The following DRC4 variants were observed in gnomAD, a reference collection of about 807,000 sequenced individuals.
The protein encoded by DRC4 is GAS-11.
At chr16:90,019,900 G>A in the DRC4 span, 1 of 679,302 alleles carries the variant, frequency 1.5e-6, no homozygotes, top group Non-Finnish European at 2.7e-6. This position sits in a 1 kb window ranked among gnomAD's most constrained non-coding sequence, Gnocchi z 6.1. Context: ...TAACGCGGGG[G>A]GCGGGTGGGG....
At chr16:90,029,355 G>C in the DRC4 span, 1 of 1,326,972 alleles carries the variant, frequency 7.5e-7, no homozygotes, top group Non-Finnish European at 1.0e-6. Flanking sequence ...GTTCACTGGG[G>C]AGTGCCTTGT....
chr16:90,019,896 G>A, the DRC4 span: 9 of 680,422 alleles, frequency 1.3e-5, no homozygotes, highest in African/African-American at 1.4e-4. This position sits in a 1 kb window ranked among gnomAD's most constrained non-coding sequence, Gnocchi z 6.1. Context: ...GAATTAACGC[G>A]GGGGGCGGGT....
chr16:90,042,227 T>C, the DRC4 span: 1 of 565,146 alleles, frequency 1.8e-6, no homozygotes, highest in South Asian at 1.5e-5. Context: ...TGAGCGGCAG[T>C]GCCTGGCCTG....
the DRC4 span, chr16:90,035,706 C>T: frequency 6.2e-7 from 1 of 1,614,174 alleles, no homozygotes; most frequent in Non-Finnish European, 8.5e-7. Context: ...CCCGTGTGCT[C>T]ATTGTGTAGG....
chr16:90,037,252 G>A, the DRC4 span: 2 of 1,612,342 alleles, frequency 1.2e-6, no homozygotes, highest in Non-Finnish European at 1.7e-6. Flanking sequence ...AGGACATGCG[G>A]AAGAAGGAGG....
chr16:90,034,980 C>T, the DRC4 span, among the ~76,000 whole-genome samples: 81 of 149,244 alleles, frequency 5.4e-4, 1 homozygote, highest in Middle Eastern at 7.0e-3. Flanking sequence ...CTCAGTTCAC[C>T]ACAACCTCTG....
the DRC4 span, among the ~76,000 whole-genome samples, chr16:90,035,168 G>A: frequency 1.3e-5 from 2 of 152,162 alleles, no homozygotes; most frequent in Non-Finnish European, 2.9e-5. Flanking sequence ...CTCCCAAAGT[G>A]CTGGGATTAC....
the DRC4 span, among the ~76,000 whole-genome samples, chr16:90,024,128 A>ACACACACACG: frequency 6.7e-6 from 1 of 149,368 alleles, no homozygotes; most frequent in Non-Finnish European, 1.5e-5. Context: ...AAAAATACAC[A>ACACACACACG]CACACACACA....
the DRC4 span, chr16:90,043,771 G>A: frequency 4.2e-6 from 2 of 472,786 alleles, no homozygotes; most frequent in African/African-American, 4.0e-5. Context: ...CTGCCCAGTG[G>A]GATTCTCCAG....
chr16:90,044,313 T>C, the DRC4 span: 1,676 of 425,352 alleles, frequency 3.9e-3, 26 homozygotes, highest in African/African-American at 0.032. Context: ...GTGACGGGTG[T>C]GTCCTCGTAG....
chr16:90,021,935 C>T, the DRC4 span: 1 of 148,226 alleles, frequency 6.7e-6, no homozygotes, highest in Non-Finnish European at 1.5e-5. Context: ...ATGTAGGTAA[C>T]AGGGTGGTTT....
chr16:90,031,096 T>C, the DRC4 span: 10 of 1,217,704 alleles, frequency 8.2e-6, no homozygotes, highest in Non-Finnish European at 1.1e-5. Flanking sequence ...ATTGGCCAAA[T>C]TGAAGAGAAT....
chr16:90,029,189 T>TGGGGCAGCCTACGGGGCAGCCTAC, the DRC4 span: 2 of 1,340,270 alleles, frequency 1.5e-6, no homozygotes, highest in Non-Finnish European at 2.0e-6. Context: ...GGGCAGGCTA[T>TGGGGCAGCCTACGGGGCAGCCTAC]GGGGCAGCCT....
the DRC4 span, among the ~76,000 whole-genome samples, chr16:90,039,530 C>T: frequency 3.3e-5 from 5 of 151,996 alleles, no homozygotes; most frequent in Non-Finnish European, 5.9e-5. Context: ...GGATTACAGG[C>T]GCCTGCCACC....
the DRC4 span, chr16:90,032,654 A>G: frequency 6.7e-7 from 1 of 1,496,354 alleles, no homozygotes; most frequent in Non-Finnish European, 9.3e-7. Flanking sequence ...CCAGGTGTGC[A>G]CAGGTACGGA....
chr16:90,036,617 C>T, the DRC4 span: 21 of 1,545,902 alleles, frequency 1.4e-5, no homozygotes, highest in Non-Finnish European at 1.7e-5. Context: ...TGGGGAGGCA[C>T]ACTCTGCCTG....
At chr16:90,025,747 C>T in the DRC4 span, among the ~76,000 whole-genome samples, 4 of 147,988 alleles carry the variant, frequency 2.7e-5, no homozygotes, top group Admixed American at 6.8e-5. Flanking sequence ...ATTAGCCAGG[C>T]GTGGTGGCGG....
the DRC4 span, chr16:90,027,965 T>C: frequency 3.9e-6 from 2 of 510,952 alleles, no homozygotes; most frequent in Non-Finnish European, 7.0e-6. Context: ...TGGAAGGACA[T>C]GCTTTTCTGA....
At chr16:90,040,258 G>C in the DRC4 span, 2 of 1,537,300 alleles carry the variant, frequency 1.3e-6, no homozygotes, top group African/African-American at 2.7e-5. Flanking sequence ...GATGTCCCCA[G>C]GTGAGGGGCC....
Sources: gnomAD v4.1 joint callset for allele counts (sites outside exome capture counted in the v4.1 genomes callset) on GRCh38, gnomAD v4.1.1 for gene constraint, Gnocchi (gnomAD v3.1) non-coding constraint, MANE v1.5 for transcripts, NCBI Gene and HGNC (gene_info 2026-07-23, HGNC 2026-07-21) for gene names.